The following NLRP8 variants were observed in gnomAD, a reference collection of about 807,000 sequenced individuals.
NLRP8 encodes NLR family pyrin domain containing 8.
Under a neutral mutation model 88.7 loss-of-function variants are expected in NLRP8, and 86 were observed. That is an observed-to-expected ratio of 0.97 (90% confidence interval 0.81 to 1.16). The LOEUF (loss-of-function observed/expected upper bound fraction) is 1.16, where lower values mean the gene tolerates loss of function less well. NLRP8 is among the 50% of genes most tolerant of loss of function. The pLI, the probability that NLRP8 is intolerant of heterozygous loss-of-function variation, is 0.00. For missense variants in NLRP8, 1,342 were observed against 1,286.5 expected, an observed-to-expected ratio of 1.04 and a Z score of -0.66; for synonymous variants, 504 against 494.6, an observed-to-expected ratio of 1.02 and a Z score of -0.25.
At chr19:55,981,267 C>T (rs572970528) in intron 9 of NLRP8, among the ~76,000 whole-genome samples, 109 bp downstream of exon 10, 1 of 151,426 alleles carries the variant, frequency 6.6e-6, no homozygotes, top group South Asian at 2.1e-4. Flanking sequence ...GAAACAGTTG[C>T]CTATTTTGTG....
chr19:55,951,812 T>A (rs769899156), intron 1 of NLRP8, among the ~76,000 whole-genome samples: 1 of 152,242 alleles, frequency 6.6e-6, no homozygotes, highest in Non-Finnish European at 1.5e-5. Context: ...TGGAGTGGTA[T>A]GATCATGGCT....
chr19:55,957,671 AATTATATAT>A lies in NLRP8; in HGVS notation c.2042+1574_2042+1582del, dbSNP rs1302106471. Among the ~76,000 whole-genome samples the A allele has an allele frequency of 2.3e-3, 127 of 55,344 alleles. 6 individuals are homozygous for A. Among genetic ancestry groups the A allele is most frequent in the African/African-American group, 0.01 (113 of 11,204 alleles). 36.3% of individuals were successfully genotyped at this position (55,344 alleles called of 152,430 possible). On this transcript the variant is annotated intron_variant, in intron 3 of 9. Coordinates refer to ENST00000291971, the MANE Select transcript of NLRP8 (RefSeq NM_176811.2). ...ACTATCTTAAAAAAGAAAAAATAAT[AATTATATAT>A]ATATATATATATATATATATATATA...
chr19:55,970,502 TC>T, intron 5 of NLRP8, 41 bp from the exon 6 acceptor site: 1 of 1,604,572 alleles, frequency 6.2e-7, no homozygotes. Flanking sequence ...GGTACCATTT[TC>T]CCCAGAACCA....
At chr19:55,956,236 CTTTGT>C (rs544309643) in intron 3 of NLRP8, 136 bp downstream of exon 3, 52 of 913,048 alleles carry the variant, frequency 5.7e-5, no homozygotes, top group Middle Eastern at 3.4e-4. Context: ...ACTTCTGTTG[CTTTGT>C]TTTGTTTTGT....
intron 5 of NLRP8, among the ~76,000 whole-genome samples, chr19:55,967,575 AT>A (rs1979900627): frequency 6.6e-6 from 1 of 151,988 alleles, no homozygotes. Flanking sequence ...TATGTACCAC[AT>A]TTTCTTTATC....
chr19:55,970,924 A>G (rs1389483785), intron 6 of NLRP8, among the ~76,000 whole-genome samples: 2 of 152,214 alleles, frequency 1.3e-5, no homozygotes, highest in Non-Finnish European at 2.9e-5. Context: ...AATATTCTAT[A>G]TCAAGCATAA....
rs1979425049 is a variant in NLRP8 at position 55,957,674 on chromosome 19, T to TA, written c.2042+1575dup. ...ATCTTAAAAAAGAAAAAATAATAATTATATATATATATATATATATATATA... is the reference window on the plus strand; with the variant it reads ...ATCTTAAAAAAGAAAAAATAATAATTAATATATATATATATATATATATATA... On this transcript the variant is annotated intron_variant, in intron 3 of 9. Coordinates refer to ENST00000291971, the MANE Select transcript of NLRP8 (RefSeq NM_176811.2). Among the ~76,000 whole-genome samples the TA allele has an allele frequency of 3.4e-3, 50 of 14,680 alleles. 1 individual carries two copies. Among genetic ancestry groups the TA allele is most frequent in the Non-Finnish European group, 7.4e-3 (40 of 5,422 alleles). 9.6% of individuals were successfully genotyped at this position (14,680 alleles called of 152,430 possible).
chr19:55,960,116 A>C (rs1979545338), intron 3 of NLRP8, among the ~76,000 whole-genome samples: 1 of 151,912 alleles, frequency 6.6e-6, no homozygotes, highest in Non-Finnish European at 1.5e-5. Context: ...AGGCCCAGGA[A>C]AGGCCTGGGC....
chr19:55,967,680 T>C (rs1410540222), intron 5 of NLRP8, among the ~76,000 whole-genome samples: 2 of 152,260 alleles, frequency 1.3e-5, no homozygotes, highest in African/African-American at 4.8e-5. Context: ...ATCTCTTCGA[T>C]GGACTGATTT....
rs765509277 is a variant in NLRP8 at position 55,955,680 on chromosome 19, T to C, written c.1622T>C (p.Leu541Pro). 6.2e-7 allele frequency: 1 copy of C among 1,614,028 alleles called. No homozygotes were observed. Among genetic ancestry groups the C allele is most frequent in the Non-Finnish European group, 8.5e-7 (1 of 1,179,984 alleles). The stretch of plus-strand genomic sequence containing the variant: ...TTGAGCCACGTGAATATCCAGCGCC[T>C]GATAGCGAGTCCCAGAGGAAGCAAA... Residue 541 changes from leucine to proline, a missense_variant, in exon 3 of 10, where the codon CTG becomes CCG. Coordinates refer to ENST00000291971, the MANE Select transcript of NLRP8 (RefSeq NM_176811.2).
intron 7 of NLRP8, among the ~76,000 whole-genome samples, chr19:55,975,232 TGCC>T (rs1439446687): frequency 6.6e-6 from 1 of 152,194 alleles, no homozygotes; most frequent in African/African-American, 2.4e-5. Context: ...CCTAATTCAA[TGCC>T]CCAAGCATAG....
chr19:55,956,308 A>G (rs1979355742), intron 3 of NLRP8, among the ~76,000 whole-genome samples: 2 of 152,022 alleles, frequency 1.3e-5, no homozygotes, highest in East Asian at 1.9e-4. Flanking sequence ...CAGTGGTGCA[A>G]TCTCAGCTCA....
In NLRP8 at chr19:55,987,917, G is replaced by C; in HGVS notation, c.*4G>C. ...CCTATCCCAGATTAATCCTTAGGCC[G>C]TCCAGTCATCTTTCTCTGGGGCTTG... On this transcript the variant is annotated 3_prime_UTR_variant, in exon 10 of 10. Transcript: ENST00000291971. 3 of 1,601,294 alleles carry C rather than the reference G, an allele frequency of 1.9e-6. No homozygotes were observed. The highest frequency in any genetic ancestry group is 2.6e-6 in the Non-Finnish European group (3 of 1,168,568).
At chr19:55,950,943 T>A (rs1979068551) in intron 1 of NLRP8, among the ~76,000 whole-genome samples, 1 of 152,158 alleles carries the variant, frequency 6.6e-6, no homozygotes, top group African/African-American at 2.4e-5. Context: ...CCGGGCGTGG[T>A]GGCGCACGCC....
intron 9 of NLRP8, among the ~76,000 whole-genome samples, chr19:55,983,216 C>A (rs745586988): frequency 6.6e-6 from 1 of 152,060 alleles, no homozygotes; most frequent in African/African-American, 2.4e-5. Flanking sequence ...GTAATCCCAG[C>A]ATTTTGGGAA....
At chr19:55,986,299 CTA>C (rs1980803382) in intron 9 of NLRP8, among the ~76,000 whole-genome samples, 1 of 149,464 alleles carries the variant, frequency 6.7e-6, no homozygotes, top group Admixed American at 6.7e-5. Flanking sequence ...CACACACACT[CTA>C]TCATACACAG....
At position 55,954,858 on chromosome 19, in the gene NLRP8, C is replaced by A; in HGVS notation, c.800C>A (p.Ser267Tyr). 1.2e-6 allele frequency: 2 copies of A among 1,614,210 alleles called. No individual in the cohort carries two copies. The highest frequency in any genetic ancestry group is 1.7e-6 in the Non-Finnish European group (2 of 1,180,046). Residue 267 changes from serine to tyrosine, a missense_variant, in exon 3 of 10, where the codon TCT becomes TAT. Transcript: ENST00000291971. ...CTGATTGAGCAAAAGTGGCCTGGAT[C>A]TCAGGACCTCGTGTCAAAGATTATG...
chr19:55,983,899 C>A (rs180753834), intron 9 of NLRP8, among the ~76,000 whole-genome samples: 78 of 151,176 alleles, frequency 5.2e-4, no homozygotes, highest in African/African-American at 1.8e-3. Flanking sequence ...AACTTGGAAC[C>A]GATGGTGACT....
intron 9 of NLRP8, among the ~76,000 whole-genome samples, chr19:55,986,738 T>C (rs1980858854): frequency 6.6e-6 from 1 of 152,018 alleles, no homozygotes; most frequent in Non-Finnish European, 1.5e-5. Flanking sequence ...CACGTGGGCG[T>C]GGAGCTGGGC....
Sources: allele counts gnomAD v4.1 joint callset (sites outside exome capture counted in the v4.1 genomes callset), GRCh38; gene constraint gnomAD v4.1.1; transcripts MANE v1.5; gene names NCBI Gene and HGNC (gene_info 2026-07-23, HGNC 2026-07-21).